GALNT17: variants seen among roughly 807,000 people sequenced by gnomAD.
GALNT17 encodes polypeptide N-acetylgalactosaminyltransferase 17.
GALNT17 carries 29 observed loss-of-function variants against 63.7 expected under a neutral mutation model. The observed-to-expected ratio is 0.46, with a 90% CI of 0.34 to 0.62. GALNT17 has a LOEUF of 0.62. Ranked by LOEUF, GALNT17 falls within the 20% of genes least tolerant of loss-of-function variation. The pLI, the probability that GALNT17 is intolerant of heterozygous loss-of-function variation, is 0.01. For missense variants in GALNT17, 603 were observed against 799.6 expected (o/e 0.75, Z 2.97); for synonymous variants, 305 against 318.3 (o/e 0.96, Z 0.45).
chr7:71,299,874 T>C (rs536106283), intron 1 of GALNT17, among the ~76,000 whole-genome samples: 1 of 152,238 alleles, frequency 6.6e-6, no homozygotes, highest in African/African-American at 2.4e-5. Context: ...CAAGTGATTC[T>C]CCTGCCTCAG....
intron 1 of GALNT17, among the ~76,000 whole-genome samples, chr7:71,292,547 G>A (rs1429753772): frequency 2.0e-5 from 3 of 151,912 alleles, no homozygotes; most frequent in African/African-American, 7.3e-5. Context: ...TATTCAAGAT[G>A]TATTGATATA....
intron 5 of GALNT17, among the ~76,000 whole-genome samples, chr7:71,492,447 C>T (rs1220898248): frequency 6.6e-6 from 1 of 152,122 alleles, no homozygotes; most frequent in Non-Finnish European, 1.5e-5. Context: ...GAGATGCATC[C>T]TGTGCTAGAA....
intron 1 of GALNT17, among the ~76,000 whole-genome samples, chr7:71,290,263 A>T (rs748046097): frequency 1.3e-5 from 2 of 152,148 alleles, no homozygotes; most frequent in Non-Finnish European, 2.9e-5. Flanking sequence ...TGTTTTATAC[A>T]TGTGTGTGAA....
intron 4 of GALNT17, among the ~76,000 whole-genome samples, chr7:71,417,180 A>G (rs973436493): frequency 1.3e-5 from 2 of 152,338 alleles, no homozygotes; most frequent in Non-Finnish European, 2.9e-5. Flanking sequence ...TGTTCACTGT[A>G]CTAGATTTGA....
intron 3 of GALNT17, among the ~76,000 whole-genome samples, chr7:71,395,276 T>A (rs1793118195): frequency 6.6e-6 from 1 of 152,200 alleles, no homozygotes; most frequent in Non-Finnish European, 1.5e-5. Context: ...AATATTAATG[T>A]ATTTTCTGTT....
chr7:71,450,336 T>G (rs912661776), intron 5 of GALNT17, among the ~76,000 whole-genome samples: 1 of 152,004 alleles, frequency 6.6e-6, no homozygotes, highest in Admixed American at 6.6e-5. Flanking sequence ...GGTTTCGCCA[T>G]GTTGGCCAGG....
intron 6 of GALNT17, among the ~76,000 whole-genome samples, chr7:71,637,469 G>A (rs1202790096): frequency 6.0e-5 from 9 of 150,838 alleles, no homozygotes; most frequent in East Asian, 1.9e-4. Context: ...GATTACAGGC[G>A]TGAGCCACCG....
At chr7:71,422,092 G>T (rs550756877) in intron 5 of GALNT17, among the ~76,000 whole-genome samples, 13 of 152,110 alleles carry the variant, frequency 8.5e-5, no homozygotes, top group Non-Finnish European at 1.8e-4. Flanking sequence ...AGTTCTTGAG[G>T]TCGGAAATTT....
chr7:71,254,187 T>C (rs892912033), intron 1 of GALNT17, among the ~76,000 whole-genome samples: 31 of 152,148 alleles, frequency 2.0e-4, no homozygotes, highest in African/African-American at 7.2e-4. Context: ...AGTTAAGTTA[T>C]TATCTGGAGA....
In GALNT17 at chr7:71,490,301, T is replaced by C. The variant is rs552910612; in HGVS notation, c.962+69196T>C. 4.0e-5 allele frequency among the ~76,000 whole-genome samples: 6 copies of C among 151,666 alleles called. No individual in the cohort carries two copies. In the South Asian group the frequency reaches 1.3e-3, roughly 32 times the overall value. The stretch of plus-strand genomic sequence containing the variant: ...ATGATCTGGAACAGTACTCATGGCC[T>C]GGTGATCTCTGTGCCTGTTTTCGTC... On this transcript the variant is annotated intron_variant, in intron 5 of 10. Transcript: ENST00000333538.
intron 1 of GALNT17, among the ~76,000 whole-genome samples, chr7:71,233,161 C>G (rs558072007): frequency 2.0e-5 from 3 of 152,174 alleles, no homozygotes; most frequent in African/African-American, 7.2e-5. Context: ...GCCCCACACT[C>G]CTGTTCCTCC....
chr7:71,391,592 C>T (rs76481410), intron 3 of GALNT17, among the ~76,000 whole-genome samples: 4,874 of 152,198 alleles, frequency 0.032, 118 homozygotes, highest in East Asian at 0.11. Context: ...AGGTGATCCT[C>T]CTGTCTCAGC....
chr7:71,657,167 CTG>C (rs1370880331), intron 6 of GALNT17, among the ~76,000 whole-genome samples: 2 of 152,152 alleles, frequency 1.3e-5, no homozygotes, highest in African/African-American at 4.8e-5. Context: ...AGCTGCCTCA[CTG>C]TTAGGGCAGT....
intron 6 of GALNT17, among the ~76,000 whole-genome samples, chr7:71,598,869 G>C (rs73702229): frequency 1.3e-5 from 2 of 151,610 alleles, no homozygotes; most frequent in African/African-American, 4.9e-5. Context: ...GAACGGGGGG[G>C]ATTGCGTGGT....
At chr7:71,196,890 G>A (rs1423508482) in intron 1 of GALNT17, among the ~76,000 whole-genome samples, 6 of 152,074 alleles carry the variant, frequency 3.9e-5, no homozygotes, top group Non-Finnish European at 8.8e-5. Context: ...CTGACCTCAA[G>A]TGATCTGCCT....
chr7:71,575,565 C>T (rs1473190510), intron 6 of GALNT17, among the ~76,000 whole-genome samples: 1 of 151,850 alleles, frequency 6.6e-6, no homozygotes, highest in East Asian at 1.9e-4. Context: ...AGTTTTTGTA[C>T]TTTTAGTAGA....
chr7:71,142,917 G>T (rs1470698254), intron 1 of GALNT17, among the ~76,000 whole-genome samples: 1 of 148,884 alleles, frequency 6.7e-6, no homozygotes, highest in African/African-American at 2.5e-5. Flanking sequence ...TTGTAGCCTG[G>T]GCGACAGGGC....
chr7:71,237,862 G>A (rs949575768), intron 1 of GALNT17, among the ~76,000 whole-genome samples: 22 of 152,142 alleles, frequency 1.4e-4, no homozygotes, highest in African/African-American at 4.3e-4. Flanking sequence ...TTTTCAAATA[G>A]GAGTGTGGAC....
chr7:71,481,537 C>G (rs1352699933), intron 5 of GALNT17, among the ~76,000 whole-genome samples: 1 of 152,146 alleles, frequency 6.6e-6, no homozygotes, highest in Admixed American at 6.5e-5. Context: ...AATTCTCTTC[C>G]TTGTGTGTTT....
Sources: allele counts gnomAD v4.1 joint callset (sites outside exome capture counted in the v4.1 genomes callset), GRCh38; gene constraint gnomAD v4.1.1; transcripts MANE v1.5; gene names NCBI Gene and HGNC (gene_info 2026-07-23, HGNC 2026-07-21).